CFAP161: variants seen among roughly 807,000 people sequenced by gnomAD.
The protein encoded by CFAP161 is cilia- and flagella-associated protein 161.
Under a neutral mutation model 29.0 loss-of-function variants are expected in CFAP161, and 25 were observed. The observed-to-expected ratio is 0.86, with a 90% CI of 0.63 to 1.20. The LOEUF (loss-of-function observed/expected upper bound fraction) is 1.20. Among genes scored for constraint, CFAP161 ranks in the 50% most tolerant of loss-of-function variants. CFAP161 has a pLI of 0.00. For synonymous variants in CFAP161, 116 were observed against 137.4 expected, an observed-to-expected ratio of 0.84 and a Z score of 1.09; for missense variants, 367 against 371.9, an observed-to-expected ratio of 0.99 and a Z score of 0.11.
At chr15:81,105,448 C>T (rs1190350158) in intron 1 of CFAP161, among the ~76,000 whole-genome samples, 1 of 150,210 alleles carries the variant, frequency 6.7e-6, no homozygotes, top group East Asian at 2.0e-4. Context: ...GACGGGGTCT[C>T]ACTGTGTCAC....
Position 81,149,161 on chromosome 15 carries a change from A to G in CFAP161, c.*628A>G, listed in dbSNP as rs1329223724. ...GATTAGATAGTTCCTGACAAAATAAATGTATGTCCTTCCATGTATTTGTTC... is the reference window on the plus strand; with the variant it reads ...GATTAGATAGTTCCTGACAAAATAAGTGTATGTCCTTCCATGTATTTGTTC... On this transcript the variant is annotated 3_prime_UTR_variant, in exon 7 of 7. Coordinates refer to ENST00000286732, the MANE Select transcript of CFAP161 (RefSeq NM_173528.4). 6.6e-6 allele frequency: 1 copy of G among 152,266 alleles called. No homozygotes were observed. The highest frequency in any genetic ancestry group is 2.4e-5 in the African/African-American group (1 of 41,466). The allele number at this position is 152,266 out of a possible 1,614,324, so 9.4% of individuals were successfully genotyped here. A position where few individuals can be genotyped will look rare whatever the true frequency, so the allele number is the denominator to read the frequency against.
rs140220433 is a variant in CFAP161, at chr15:81,134,341, C to A, written c.12C>A (p.Asn4Lys). Reference sequence around the variant, plus strand: ...AACAGCAGGGAGCGATGGCGCAGAACGTGTATGGTCCGGGAGTCCGGATAG... The same window carrying A: ...AACAGCAGGGAGCGATGGCGCAGAAAGTGTATGGTCCGGGAGTCCGGATAG... MAQ[N>K]VYGPGVRIGN... Residue 4 changes from asparagine to lysine, a missense_variant, in exon 1 of 7, where the codon AAC becomes AAA. Physicochemically the swap from Asn to Lys is moderately conservative, Grantham distance 94 (BLOSUM62 0). Coordinates refer to ENST00000286732, the MANE Select transcript of CFAP161 (RefSeq NM_173528.4). The A allele has an allele frequency of 1.0e-4, 162 of 1,589,370 alleles. No homozygotes were observed. The African/African-American group carries it at 1.9e-3, about 19-fold the overall frequency.
intron 1 of CFAP161, among the ~76,000 whole-genome samples, chr15:81,127,219 G>A (rs1282300542): frequency 6.6e-6 from 1 of 152,206 alleles, no homozygotes; most frequent in African/African-American, 2.4e-5. Flanking sequence ...AGATGATGGT[G>A]ATTGCCCTGT....
At chr15:81,138,227 C>T in intron 4 of CFAP161, 92 bp downstream of exon 4, 3 of 1,044,516 alleles carry the variant, frequency 2.9e-6, no homozygotes, top group South Asian at 2.7e-5. Flanking sequence ...ACAGAGAACT[C>T]CAGAGTCATG....
At chr15:81,107,265 C>G (rs560632137) in intron 1 of CFAP161, among the ~76,000 whole-genome samples, 2 of 152,342 alleles carry the variant, frequency 1.3e-5, no homozygotes, top group Non-Finnish European at 2.9e-5. Flanking sequence ...CACACGTCAT[C>G]TTACATACAT....
chr15:81,107,461 C>T (rs1161160052), intron 1 of CFAP161, among the ~76,000 whole-genome samples: 2 of 152,222 alleles, frequency 1.3e-5, no homozygotes, highest in Non-Finnish European at 2.9e-5. Flanking sequence ...CACAGTGGCT[C>T]ATGCCTGTAA....
upstream of CFAP161, among the ~76,000 whole-genome samples, chr15:81,133,219 ATATATGTATTTTTT>A (rs1894744533): frequency 3.4e-5 from 1 of 29,306 alleles, no homozygotes. Context: ...ATATATATAT[ATATATGTATTTTTT>A]TTTAAATTGG....
rs1451058886 is a variant in CFAP161, at chr15:81,148,799, C to T, written c.*266C>T. The T allele has an allele frequency of 6.6e-6, 2 of 303,680 alleles. No individual in the cohort carries two copies. The highest frequency in any genetic ancestry group is 4.2e-5 in the African/African-American group (2 of 47,390). 18.8% of individuals were successfully genotyped at this position (303,680 alleles called of 1,614,324 possible). A position where few individuals can be genotyped will look rare whatever the true frequency, so the allele number is the denominator to read the frequency against. ...GATAAACAAATTCTGAAGAACTCAG[C>T]TTCCTCTACTTATATCCTTCATTGT... On this transcript the variant is annotated 3_prime_UTR_variant, in exon 7 of 7. Coordinates refer to ENST00000286732, the MANE Select transcript of CFAP161 (RefSeq NM_173528.4).
intron 1 of CFAP161, among the ~76,000 whole-genome samples, chr15:81,125,047 TTAACA>T (rs1437071310): frequency 6.6e-6 from 1 of 151,720 alleles, no homozygotes; most frequent in Non-Finnish European, 1.5e-5. Flanking sequence ...TATTATTTAT[TTAACA>T]TAACATAACT....
chr15:81,122,086 G>T (rs1009257293), intron 1 of CFAP161, among the ~76,000 whole-genome samples: 1 of 152,148 alleles, frequency 6.6e-6, no homozygotes, highest in African/African-American at 2.4e-5. Flanking sequence ...TTGTGTGTAT[G>T]TACTACTTTT....
intron 1 of CFAP161, among the ~76,000 whole-genome samples, chr15:81,115,240 T>C (rs975322146): frequency 6.6e-6 from 1 of 152,186 alleles, no homozygotes; most frequent in Non-Finnish European, 1.5e-5. Context: ...AGTGACTCCA[T>C]TTTGATTCTG....
At chr15:81,143,408 G>T (rs370224288) in intron 4 of CFAP161, among the ~76,000 whole-genome samples, 2 of 152,182 alleles carry the variant, frequency 1.3e-5, no homozygotes, top group East Asian at 3.8e-4. Context: ...GAGGAAGATT[G>T]AGTTTGGTAT....
intron 4 of CFAP161, among the ~76,000 whole-genome samples, chr15:81,139,847 C>A (rs1352301907): frequency 6.6e-6 from 1 of 152,070 alleles, no homozygotes; most frequent in Non-Finnish European, 1.5e-5. Context: ...ATGGGGTGTA[C>A]CAATTTGCAC....
chr15:81,143,630 G>T, intron 4 of CFAP161, 32 bp from the exon 5 acceptor site: 1 of 1,598,828 alleles, frequency 6.3e-7, no homozygotes, highest in South Asian at 1.1e-5. Context: ...ACAGAGCTCT[G>T]ACTTAGTGCA....
intron 1 of CFAP161, among the ~76,000 whole-genome samples, chr15:81,120,561 A>G (rs929676154): frequency 1.3e-5 from 2 of 152,204 alleles, no homozygotes; most frequent in Non-Finnish European, 2.9e-5. Context: ...TGAGGCCAGG[A>G]GTTCAAGACC....
chr15:81,106,832 G>A (rs1464134147), intron 1 of CFAP161, among the ~76,000 whole-genome samples: 2 of 152,198 alleles, frequency 1.3e-5, no homozygotes, highest in African/African-American at 4.8e-5. Context: ...TTGGGAGGCC[G>A]AGGCGGGTGG....
At chr15:81,133,221 A>ATG (rs1253988690), upstream of CFAP161, among the ~76,000 whole-genome samples, 253 of 32,468 alleles carry the variant, frequency 7.8e-3, 12 homozygotes, top group Non-Finnish European at 0.01. Context: ...ATATATATAT[A>ATG]TATGTATTTT....
Position 81,147,300 on chromosome 15 carries a change from G to A in CFAP161, c.637-558G>A, listed in dbSNP as rs61425308. ...TTTCTTCCTCTCCCCCCCAGTACCC[G>A]CTCTTTTCACTTTAAATATTGAGGT... On this transcript the variant is annotated intron_variant, in intron 5 of 6. Transcript: ENST00000286732. Among the ~76,000 whole-genome samples the A allele has an allele frequency of 4.2e-3, 637 of 151,626 alleles. 10 individuals are homozygous for A. Among genetic ancestry groups the A allele is most frequent in the African/African-American group, 0.015 (606 of 41,310 alleles).
upstream of CFAP161, among the ~76,000 whole-genome samples, chr15:81,131,042 A>T (rs1375623889): frequency 6.6e-6 from 1 of 152,086 alleles, no homozygotes; most frequent in Admixed American, 6.5e-5. Context: ...GCATTACCAA[A>T]ATGTGACACA....
Sources: gnomAD v4.1 joint callset for allele counts (sites outside exome capture counted in the v4.1 genomes callset) on GRCh38, gnomAD v4.1.1 for gene constraint, MANE v1.5 for transcripts, NCBI Gene and HGNC (gene_info 2026-07-23, HGNC 2026-07-21) for gene names.